Variants in CNTN5 observed in about 807,000 individuals in gnomAD.
The protein encoded by CNTN5 is contactin-5.
CNTN5 carries 77 observed loss-of-function variants against 129.1 expected under a neutral mutation model. That is an observed-to-expected ratio of 0.60 (90% confidence interval 0.50 to 0.72). The LOEUF (loss-of-function observed/expected upper bound fraction) is 0.72. Among genes scored for constraint, CNTN5 ranks in the 30% least tolerant of loss-of-function variants. The probability of loss-of-function intolerance (pLI) is 0.00; values close to 1 mark genes in which losing one functional copy is unlikely to be tolerated. For synonymous variants in CNTN5, 509 were observed against 465.6 expected, an observed-to-expected ratio of 1.09 and a Z score of -1.20; for missense variants, 1,478 against 1,328.8, an observed-to-expected ratio of 1.11 and a Z score of -1.75.
At chr11:100,052,273 A>C (rs894212674) in intron 9 of CNTN5, among the ~76,000 whole-genome samples, 5 of 151,894 alleles carry the variant, frequency 3.3e-5, no homozygotes, top group Admixed American at 3.3e-4. Context: ...CAGCATCGTA[A>C]TGGTAAGAGA....
intron 1 of CNTN5, among the ~76,000 whole-genome samples, chr11:99,210,524 A>T (rs1370786871): frequency 6.6e-6 from 1 of 152,096 alleles, no homozygotes; most frequent in African/African-American, 2.4e-5. Flanking sequence ...TATGTTAGAG[A>T]TTGGGAAGTA....
Position 99,322,423 on chromosome 11 carries a change from T to A in CNTN5, c.-209-2923T>A, listed in dbSNP as rs571059823. On this transcript the variant is annotated intron_variant, in intron 1 of 24. Coordinates refer to ENST00000524871, the MANE Select transcript of CNTN5 (RefSeq NM_014361.4). ...CAAAAAATTATCAGGAAAACTTTTT[T>A]AAAAATCTCATATCTAAACCAGGAT... is the stretch of plus-strand genomic sequence containing the variant. 2.2e-3 allele frequency among the ~76,000 whole-genome samples: 337 copies of A among 152,236 alleles called. 1 individual carries two copies. The highest frequency in any genetic ancestry group is 2.2e-3 in the Non-Finnish European group (147 of 67,994).
chr11:99,665,777 G>A (rs529004317), intron 3 of CNTN5, among the ~76,000 whole-genome samples: 2 of 152,034 alleles, frequency 1.3e-5, no homozygotes, highest in East Asian at 1.9e-4. Context: ...GTGAGCCACC[G>A]CGCCTGGCCT....
At chr11:99,147,283 A>C (rs1419423840) in intron 1 of CNTN5, among the ~76,000 whole-genome samples, 2 of 152,124 alleles carry the variant, frequency 1.3e-5, no homozygotes, top group Non-Finnish European at 2.9e-5. Flanking sequence ...TGAAAGAGAG[A>C]TTGTTTATAA....
At chr11:100,007,765 CA>C (rs1361622235) in intron 9 of CNTN5, among the ~76,000 whole-genome samples, 4 of 151,924 alleles carry the variant, frequency 2.6e-5, no homozygotes, top group Non-Finnish European at 1.5e-5. Context: ...ACTGGGGTAG[CA>C]ATTTTAATTT....
At chr11:99,473,264 T>C (rs1945244794) in intron 2 of CNTN5, among the ~76,000 whole-genome samples, 1 of 152,208 alleles carries the variant, frequency 6.6e-6, no homozygotes, top group Admixed American at 6.5e-5. Context: ...GGATGGATTT[T>C]CTTTCCTTGG....
intron 4 of CNTN5, among the ~76,000 whole-genome samples, chr11:99,837,328 C>T (rs566991900): frequency 1.3e-5 from 2 of 152,130 alleles, no homozygotes; most frequent in Non-Finnish European, 2.9e-5. Context: ...TACTTCTTAA[C>T]ACATTAACAT....
intron 18 of CNTN5, among the ~76,000 whole-genome samples, chr11:100,284,584 C>T (rs886627405): frequency 2.0e-5 from 3 of 152,034 alleles, no homozygotes; most frequent in African/African-American, 7.3e-5. Flanking sequence ...TGGAAAAATA[C>T]ATAAAGTAAA....
At chr11:100,171,631 C>A (rs1947828528) in intron 13 of CNTN5, among the ~76,000 whole-genome samples, 1 of 151,960 alleles carries the variant, frequency 6.6e-6, no homozygotes, top group African/African-American at 2.4e-5. Flanking sequence ...AATTCTACAG[C>A]ATATTTCAGT....
At chr11:99,051,779 T>G (rs1359290033) in intron 1 of CNTN5, among the ~76,000 whole-genome samples, 1 of 151,828 alleles carries the variant, frequency 6.6e-6, no homozygotes, top group Non-Finnish European at 1.5e-5. Flanking sequence ...TACTAAGAAG[T>G]AGTCTCTTTT....
intron 2 of CNTN5, among the ~76,000 whole-genome samples, chr11:99,451,084 T>C (rs1944285612): frequency 1.3e-5 from 2 of 152,230 alleles, no homozygotes; most frequent in East Asian, 3.9e-4. Context: ...GGTTAATTTA[T>C]GGAATGGGTT....
At chr11:99,256,553 A>G (rs768534611) in intron 1 of CNTN5, among the ~76,000 whole-genome samples, 74 of 152,112 alleles carry the variant, frequency 4.9e-4, no homozygotes, top group Non-Finnish European at 7.8e-4. Flanking sequence ...TTAATAAAGG[A>G]TATTATCAAA....
At chr11:99,536,962 G>A (rs1414107190) in intron 2 of CNTN5, among the ~76,000 whole-genome samples, 1 of 151,656 alleles carries the variant, frequency 6.6e-6, no homozygotes, top group Non-Finnish European at 1.5e-5. Context: ...ATTAAACTGG[G>A]ATATTTTACA....
chr11:99,042,395 G>C (rs1420297245), intron 1 of CNTN5, among the ~76,000 whole-genome samples: 1 of 78,634 alleles, frequency 1.3e-5, no homozygotes, highest in African/African-American at 4.9e-5. Flanking sequence ...TTTTTTTTGA[G>C]ACAGAGTCTC....
At chr11:100,306,278 C>A (rs1184893843) in intron 20 of CNTN5, among the ~76,000 whole-genome samples, 2 of 151,552 alleles carry the variant, frequency 1.3e-5, no homozygotes, top group African/African-American at 2.4e-5. Context: ...TTTACTTTAA[C>A]ATTTTTTTAA....
chr11:99,317,204 C>A (rs1865379572), intron 1 of CNTN5, among the ~76,000 whole-genome samples: 1 of 152,046 alleles, frequency 6.6e-6, no homozygotes, highest in Non-Finnish European at 1.5e-5. Flanking sequence ...ATGGCAGTAA[C>A]AAAGTTGGGC....
At chr11:100,111,553 C>T (rs1360174698) in intron 13 of CNTN5, among the ~76,000 whole-genome samples, 1 of 152,282 alleles carries the variant, frequency 6.6e-6, no homozygotes, top group South Asian at 2.1e-4. Flanking sequence ...CCAAAAGAGA[C>T]AATAATGTTG....
intron 13 of CNTN5, among the ~76,000 whole-genome samples, chr11:100,173,749 C>G (rs1009590925): frequency 3.3e-5 from 5 of 152,124 alleles, no homozygotes; most frequent in African/African-American, 1.2e-4. Flanking sequence ...CTTTGGAGGC[C>G]TGCCTCAGTC....
At chr11:99,753,855 T>C (rs1394615781) in intron 3 of CNTN5, among the ~76,000 whole-genome samples, 2 of 151,188 alleles carry the variant, frequency 1.3e-5, no homozygotes, top group African/African-American at 4.9e-5. Context: ...ACCCAACTAA[T>C]TTTTGTATTT....
Sources: allele counts gnomAD v4.1 joint callset (sites outside exome capture counted in the v4.1 genomes callset), GRCh38; gene constraint gnomAD v4.1.1; transcripts MANE v1.5; gene names NCBI Gene and HGNC (gene_info 2026-07-23, HGNC 2026-07-21).